TEX10: variants seen among roughly 807,000 people sequenced by gnomAD.
The protein encoded by TEX10 is testis expressed 10, also known as testis-expressed protein 10.
In TEX10, 24 loss-of-function variants were observed where a neutral mutation model predicts 104.4. The ratio of observed to expected loss-of-function variants is 0.23; its 90% CI spans 0.17 to 0.32. TEX10 has a LOEUF of 0.32. TEX10 is among the 10% of genes least tolerant of loss of function. The pLI is 1.00. For missense variants in TEX10, 921 were observed against 1,083.9 expected (o/e 0.85, Z 2.11); for synonymous variants, 396 against 393.4 (o/e 1.01, Z -0.08).
At chr9:100,340,901 C>G (rs1237139492) in intron 4 of TEX10, among the ~76,000 whole-genome samples, 2 of 152,084 alleles carry the variant, frequency 1.3e-5, no homozygotes, top group African/African-American at 4.8e-5. Flanking sequence ...CCCATTTTGT[C>G]AGAGACTGAG....
intron 9 of TEX10, among the ~76,000 whole-genome samples, chr9:100,322,191 A>G (rs1300020036): frequency 1.3e-5 from 2 of 152,228 alleles, no homozygotes; most frequent in African/African-American, 4.8e-5. Flanking sequence ...ATAACTAAGC[A>G]AAAGTATCTT....
At chr9:100,303,984 A>G in intron 13 of TEX10, 142 bp from the exon 14 acceptor site, 1 of 744,468 alleles carries the variant, frequency 1.3e-6, no homozygotes, top group Non-Finnish European at 2.3e-6. Context: ...TCAAGAACGC[A>G]ATCTCACTTA....
intron 2 of TEX10, among the ~76,000 whole-genome samples, chr9:100,348,288 T>C (rs1482893129): frequency 1.3e-5 from 2 of 152,368 alleles, no homozygotes; most frequent in East Asian, 3.9e-4. Context: ...TGATTCCTAA[T>C]GGGTATAAGT....
intron 9 of TEX10, among the ~76,000 whole-genome samples, chr9:100,324,096 G>C (rs1834644097): frequency 6.6e-6 from 1 of 151,980 alleles, no homozygotes; most frequent in African/African-American, 2.4e-5. Flanking sequence ...GCAGCGGCAT[G>C]ATCTCAGCTC....
chr9:100,318,375 C>T (rs539450256), intron 11 of TEX10, among the ~76,000 whole-genome samples: 2 of 152,234 alleles, frequency 1.3e-5, no homozygotes, highest in South Asian at 2.1e-4. Context: ...AGACAAATGG[C>T]GCATATTCTT....
At chr9:100,339,437 A>T in intron 5 of TEX10, among the ~76,000 whole-genome samples, 1 of 150,352 alleles carries the variant, frequency 6.7e-6, no homozygotes, top group Non-Finnish European at 1.5e-5. Flanking sequence ...GATCCTCTCT[A>T]TCACAATACT....
At chr9:100,315,781 G>A (rs1414991188) in intron 11 of TEX10, among the ~76,000 whole-genome samples, 1 of 152,062 alleles carries the variant, frequency 6.6e-6, no homozygotes, top group African/African-American at 2.4e-5. Context: ...TAGTCTGACG[G>A]GATTTTCTTT....
At chr9:100,352,554 C>G in intron 1 of TEX10, 1 of 1,543,364 alleles carries the variant, frequency 6.5e-7, no homozygotes, top group Non-Finnish European at 8.7e-7. Flanking sequence ...CCCGCCCAGT[C>G]ACCTGAAGCT....
At chr9:100,323,733 T>C (rs1311446646) in intron 9 of TEX10, among the ~76,000 whole-genome samples, 4 of 152,216 alleles carry the variant, frequency 2.6e-5, no homozygotes, top group Admixed American at 2.6e-4. Flanking sequence ...GTCCTGCCAT[T>C]AGACAAATGC....
At chr9:100,321,825 G>A in intron 9 of TEX10, 54 bp from the exon 10 acceptor site, 1 of 1,323,854 alleles carries the variant, frequency 7.6e-7, no homozygotes, top group Non-Finnish European at 1.1e-6. Flanking sequence ...TGACAGACTT[G>A]TCAAAGGTAG....
intron 11 of TEX10, among the ~76,000 whole-genome samples, chr9:100,318,191 T>C (rs923185961): frequency 2.0e-5 from 3 of 152,278 alleles, no homozygotes; most frequent in Admixed American, 6.5e-5. Context: ...CAATTCACAA[T>C]AGCAAATATA....
intron 5 of TEX10, among the ~76,000 whole-genome samples, chr9:100,339,625 T>G (rs1004936594): frequency 9.2e-5 from 14 of 152,066 alleles, no homozygotes; most frequent in Non-Finnish European, 1.9e-4. Flanking sequence ...TGACAGATTT[T>G]AAGATCCCTT....
chr9:100,302,198 A>G lies in TEX10; in HGVS notation c.2783T>C (p.Val928Ala). 1 of 1,603,238 alleles carries G rather than the reference A, an allele frequency of 6.2e-7. No homozygotes were observed. Among genetic ancestry groups the G allele is most frequent in the Non-Finnish European group, 8.5e-7 (1 of 1,173,052 alleles). ...GGAGGTACTATGGCCTCTTCAATAC[A>G]CTGTAGCCAGTGCACTGGGCCCTTG... ...HPQGPSALAT[V>A]Y The change falls in exon 15 of 15, where the codon GTG (valine) becomes GCG (alanine). Residue 928 changes from valine to alanine, a missense_variant. Val to Ala is a moderately conservative substitution (Grantham distance 64). Transcript: ENST00000374902.
At chr9:100,334,275 A>G (rs1834948743) in intron 5 of TEX10, among the ~76,000 whole-genome samples, 1 of 152,162 alleles carries the variant, frequency 6.6e-6, no homozygotes, top group South Asian at 2.1e-4. Context: ...AAAAAAACAC[A>G]GATAACTCTT....
chr9:100,345,269 A>G (rs1471167150), intron 4 of TEX10, among the ~76,000 whole-genome samples: 1 of 152,204 alleles, frequency 6.6e-6, no homozygotes, highest in Non-Finnish European at 1.5e-5. Context: ...ACACCTTACT[A>G]CAACTCTATA....
rs146252407 is a variant in TEX10 at position 100,340,898 on chromosome 9, T to A, written c.1138-529A>T. ...TCCAAGGTAACCAACCATCCCATTT[T>A]GTCAGAGACTGAGAAGTTTCCTAGA... On this transcript the variant is annotated intron_variant, in intron 4 of 14. Transcript: ENST00000374902. Among the ~76,000 whole-genome samples the A allele has an allele frequency of 3.5e-3, 535 of 152,310 alleles. 1 individual carries two copies. Among genetic ancestry groups the A allele is most frequent in the African/African-American group, 0.012 (507 of 41,552 alleles).
intron 13 of TEX10, chr9:100,305,785 A>T (rs1834128682): frequency 6.6e-6 from 1 of 152,252 alleles, no homozygotes. Flanking sequence ...TTCAGAACCC[A>T]GGTATGGAAG....
At chr9:100,306,218 A>T (rs554105016) in intron 13 of TEX10, 1 of 152,304 alleles carries the variant, frequency 6.6e-6, no homozygotes, top group East Asian at 1.9e-4. Context: ...TATGTTTAAA[A>T]GGAGTTTTTA....
chr9:100,332,748 G>A (rs1045105120), intron 5 of TEX10, among the ~76,000 whole-genome samples: 6 of 151,876 alleles, frequency 4.0e-5, no homozygotes, highest in Admixed American at 3.9e-4. Context: ...GTGAACCCGG[G>A]AGGTGGAGCT....
Sources: allele counts gnomAD v4.1 joint callset (sites outside exome capture counted in the v4.1 genomes callset), GRCh38; gene constraint gnomAD v4.1.1; transcripts MANE v1.5; gene names NCBI Gene and HGNC (gene_info 2026-07-23, HGNC 2026-07-21).